SLC9A9: variants seen among roughly 807,000 people sequenced by gnomAD.
SLC9A9 encodes the protein sodium/hydrogen exchanger 9.
A neutral mutation model predicts 77.8 loss-of-function variants in SLC9A9; 62 were observed. That is an observed-to-expected ratio of 0.80 (90% CI 0.65 to 0.98). The LOEUF is 0.98. Among genes scored for constraint, SLC9A9 ranks in the 50% least tolerant of loss-of-function variants. SLC9A9 has a pLI of 0.00. For synonymous variants in SLC9A9, 320 were observed against 283.5 expected (o/e 1.13, Z -1.29); for missense variants, 775 against 774.9 (o/e 1.00, Z 0.00).
chr3:143,560,215 A>G (rs548305030), intron 8 of SLC9A9, among the ~76,000 whole-genome samples: 2 of 152,274 alleles, frequency 1.3e-5, no homozygotes, highest in South Asian at 2.1e-4. Flanking sequence ...GCATTTTTAT[A>G]CTATTAGGGG....
chr3:143,543,179 T>C (rs1474710298), intron 9 of SLC9A9, among the ~76,000 whole-genome samples: 1 of 152,222 alleles, frequency 6.6e-6, no homozygotes, highest in African/African-American at 2.4e-5. Flanking sequence ...CCTTATAGGA[T>C]AGAATTCTTC....
At chr3:143,457,210 G>T (rs1407907408) in intron 12 of SLC9A9, among the ~76,000 whole-genome samples, 2 of 152,000 alleles carry the variant, frequency 1.3e-5, no homozygotes, top group East Asian at 1.9e-4. Flanking sequence ...ACAGATGGGG[G>T]TCTCCCTATG....
chr3:143,663,069 C>A (rs915764935), intron 5 of SLC9A9, among the ~76,000 whole-genome samples: 8 of 152,284 alleles, frequency 5.3e-5, no homozygotes, highest in East Asian at 3.9e-4. Context: ...CAGCCAGCTG[C>A]CCCTCTGAGA....
intron 9 of SLC9A9, among the ~76,000 whole-genome samples, chr3:143,544,155 C>T (rs1255451763): frequency 6.6e-6 from 1 of 152,132 alleles, no homozygotes; most frequent in Non-Finnish European, 1.5e-5. Flanking sequence ...GTTTCTTGGC[C>T]ACTTGTATGT....
At position 143,448,369 on chromosome 3, in the gene SLC9A9, A is replaced by G. The variant is rs544780077; in HGVS notation, c.1469+18668T>C. Among the ~76,000 whole-genome samples the G allele has an allele frequency of 2.0e-5, 3 of 152,268 alleles. No homozygotes were observed. The East Asian group carries it at 5.8e-4, about 29-fold the overall frequency. On this transcript the variant is annotated intron_variant, in intron 12 of 15. Coordinates refer to ENST00000316549, the MANE Select transcript of SLC9A9 (RefSeq NM_173653.4). ...AGTCTGGAAAGATTTCTCTATAGTC[A>G]AGTACTAGCAAAGACAAGAAAATTA... is the stretch of plus-strand genomic sequence containing the variant.
At chr3:143,644,326 C>G (rs1308799525) in intron 6 of SLC9A9, among the ~76,000 whole-genome samples, 1 of 152,162 alleles carries the variant, frequency 6.6e-6, no homozygotes, top group Non-Finnish European at 1.5e-5. Flanking sequence ...TTTTGGTAGG[C>G]CAATTTGTCA....
intron 5 of SLC9A9, among the ~76,000 whole-genome samples, chr3:143,659,735 C>T (rs934149864): frequency 2.0e-5 from 3 of 152,138 alleles, no homozygotes; most frequent in African/African-American, 7.2e-5. Flanking sequence ...GAATATGTTG[C>T]CTTGCATGCC....
intron 1 of SLC9A9, among the ~76,000 whole-genome samples, chr3:143,837,459 A>AGATT (rs2009595315): frequency 6.6e-6 from 1 of 152,228 alleles, no homozygotes; most frequent in Admixed American, 6.5e-5. Flanking sequence ...TTGAGTGGCT[A>AGATT]CCAAGAATAA....
chr3:143,762,319 A>T (rs1338358351), intron 4 of SLC9A9, among the ~76,000 whole-genome samples: 13 of 152,200 alleles, frequency 8.5e-5, no homozygotes, highest in Non-Finnish European at 1.5e-4. Context: ...GTGCACATGT[A>T]CCCTAGAACT....
chr3:143,290,373 C>T (rs974670472), intron 14 of SLC9A9, among the ~76,000 whole-genome samples: 5 of 152,146 alleles, frequency 3.3e-5, no homozygotes, highest in South Asian at 4.2e-4. Context: ...ATAGTTGCTT[C>T]CATAGTTTAT....
chr3:143,802,005 G>A (rs1576737188), intron 2 of SLC9A9, among the ~76,000 whole-genome samples: 2 of 152,132 alleles, frequency 1.3e-5, no homozygotes, highest in East Asian at 3.9e-4. Context: ...CCATCAAAAG[G>A]CATCAGATCC....
intron 12 of SLC9A9, among the ~76,000 whole-genome samples, chr3:143,399,041 ATATATC>A (rs760655914): frequency 6.6e-5 from 10 of 152,144 alleles, no homozygotes; most frequent in Non-Finnish European, 1.5e-4. Context: ...ACATGCACAT[ATATATC>A]TATATTTCAC....
At chr3:143,637,581 T>C (rs1317191133) in intron 6 of SLC9A9, among the ~76,000 whole-genome samples, 1 of 152,232 alleles carries the variant, frequency 6.6e-6, no homozygotes, top group Non-Finnish European at 1.5e-5. Context: ...GTATATATGC[T>C]TTGGGCTTTA....
intron 14 of SLC9A9, among the ~76,000 whole-genome samples, chr3:143,363,104 C>G (rs573051216): frequency 6.6e-6 from 1 of 152,296 alleles, no homozygotes; most frequent in East Asian, 1.9e-4. Flanking sequence ...CTGGGTTACC[C>G]TGGCCAGAGG....
intron 12 of SLC9A9, among the ~76,000 whole-genome samples, chr3:143,400,086 A>G (rs146048845): frequency 1.3e-5 from 2 of 152,312 alleles, no homozygotes; most frequent in East Asian, 3.9e-4. Flanking sequence ...ACCACTGATT[A>G]TGAGACACAT....
chr3:143,406,493 C>A (rs966045533), intron 12 of SLC9A9, among the ~76,000 whole-genome samples: 1 of 151,848 alleles, frequency 6.6e-6, no homozygotes, highest in East Asian at 1.9e-4. Context: ...TTCTCCTGTC[C>A]CAGCCTCCCG....
intron 1 of SLC9A9, among the ~76,000 whole-genome samples, chr3:143,846,011 C>T (rs1224534419): frequency 6.6e-6 from 1 of 152,154 alleles, no homozygotes; most frequent in Non-Finnish European, 1.5e-5. Context: ...ACCTCAATAG[C>T]AGTGGTCAAT....
chr3:143,675,906 T>C (rs1199006766), intron 5 of SLC9A9, among the ~76,000 whole-genome samples: 1 of 152,108 alleles, frequency 6.6e-6, no homozygotes, highest in Non-Finnish European at 1.5e-5. Context: ...CTTAAACTCA[T>C]ATCTCCTCTC....
At chr3:143,602,801 G>T (rs1012092839) in intron 6 of SLC9A9, among the ~76,000 whole-genome samples, 3 of 152,170 alleles carry the variant, frequency 2.0e-5, no homozygotes, top group Non-Finnish European at 2.9e-5. Context: ...CTTGGAAAAC[G>T]ATTCCCTTCA....
Sources: allele counts gnomAD v4.1 joint callset (sites outside exome capture counted in the v4.1 genomes callset), GRCh38; gene constraint gnomAD v4.1.1; transcripts MANE v1.5; gene names NCBI Gene and HGNC (gene_info 2026-07-23, HGNC 2026-07-21).